The following PLXNA4 variants were observed in gnomAD, a reference collection of about 807,000 sequenced individuals.
PLXNA4 encodes the protein plexin A4, also known as plexin-A4.
Under a neutral mutation model 191.8 loss-of-function variants are expected in PLXNA4, and 44 were observed. The observed-to-expected ratio is 0.23, with a 90% CI of 0.18 to 0.29. PLXNA4 has a LOEUF of 0.29. Ranked by LOEUF, PLXNA4 falls within the 10% of genes least tolerant of loss-of-function variation. PLXNA4 has a pLI of 1.00. For missense variants in PLXNA4, 1,800 were observed against 2,488.8 expected, an observed-to-expected ratio of 0.72 and a Z score of 5.89; for synonymous variants, 1,082 against 1,009.5, an observed-to-expected ratio of 1.07 and a Z score of -1.36.
chr7:132,563,078 T>TC (rs1801375751), intron 1 of PLXNA4, among the ~76,000 whole-genome samples: 2 of 25,304 alleles, frequency 7.9e-5, no homozygotes, highest in Non-Finnish European at 1.6e-4. Flanking sequence ...TCCTCCTCCT[T>TC]CTCCTCCTCC....
At chr7:132,348,335 A>G (rs1803333726) in intron 3 of PLXNA4, among the ~76,000 whole-genome samples, 1 of 152,174 alleles carries the variant, frequency 6.6e-6, no homozygotes, top group Admixed American at 6.5e-5. Flanking sequence ...GAACCCACAG[A>G]CCTAAGACCT....
rs367575816 is a variant in PLXNA4 at position 132,521,016 on chromosome 7, C to G, written c.-86-12237G>C. Among the ~76,000 whole-genome samples the G allele has an allele frequency of 7.2e-5, 11 of 152,024 alleles. No homozygotes were observed. In the East Asian group the frequency reaches 1.5e-3, roughly 21 times the overall value. ...ATTCCCCGAAAAATCAGGAAGTGAACAGTTGTCTCCCTTGCTGGTCTATAT... is the reference window on the plus strand; with the variant it reads ...ATTCCCCGAAAAATCAGGAAGTGAAGAGTTGTCTCCCTTGCTGGTCTATAT... On this transcript the variant is annotated intron_variant, in intron 1 of 31. Transcript: ENST00000321063.
At position 132,395,837 on chromosome 7, in the gene PLXNA4, C is replaced by T. The variant is rs10254910; in HGVS notation, c.1371+93455G>A. On this transcript the variant is annotated intron_variant, in intron 3 of 31. Transcript: ENST00000321063. ...AACAAATGATGAAGCCAGTTAGCAG[C>T]CTGATTCCAAATTAGAGTTTCTCCC... is the stretch of plus-strand genomic sequence containing the variant. Among the ~76,000 whole-genome samples, 414 of 152,332 alleles carry T rather than the reference C, an allele frequency of 2.7e-3. 1 individual carries two copies. The highest frequency in any genetic ancestry group is 9.3e-3 in the African/African-American group (386 of 41,574).
chr7:132,437,674 C>T (rs1032530790), intron 3 of PLXNA4, among the ~76,000 whole-genome samples: 3 of 152,100 alleles, frequency 2.0e-5, no homozygotes, highest in Non-Finnish European at 4.4e-5. Context: ...CTCCTATTTT[C>T]AGTGAAACTC....
At chr7:132,427,246 G>A (rs895695353) in intron 3 of PLXNA4, among the ~76,000 whole-genome samples, 9 of 152,324 alleles carry the variant, frequency 5.9e-5, no homozygotes, top group Middle Eastern at 3.4e-3. Flanking sequence ...GAGAAATGGC[G>A]CACTGGACGT....
intron 1 of PLXNA4, among the ~76,000 whole-genome samples, chr7:132,566,628 G>A (rs1801737360): frequency 6.6e-6 from 1 of 152,182 alleles, no homozygotes; most frequent in African/African-American, 2.4e-5. Context: ...AAAAAATTGA[G>A]AAGGTGAATG....
chr7:132,244,803 T>G (rs971562255), intron 4 of PLXNA4, among the ~76,000 whole-genome samples: 1 of 152,188 alleles, frequency 6.6e-6, no homozygotes, highest in African/African-American at 2.4e-5. Flanking sequence ...GCATCAGAAG[T>G]TTTTCTAATA....
chr7:132,564,609 A>G (rs79641388), intron 1 of PLXNA4, among the ~76,000 whole-genome samples: 5,835 of 152,280 alleles, frequency 0.038, 261 homozygotes, highest in African/African-American at 0.1. Flanking sequence ...TTTCATCTCC[A>G]CACAAATTCT....
chr7:132,157,641 C>A (rs1015421089), intron 25 of PLXNA4, among the ~76,000 whole-genome samples: 1 of 152,194 alleles, frequency 6.6e-6, no homozygotes, highest in African/African-American at 2.4e-5. Context: ...CACAGCTCCC[C>A]CTCTTGGCCC....
intron 1 of PLXNA4, among the ~76,000 whole-genome samples, chr7:132,562,471 T>TCC (rs1801241801): frequency 1.8e-5 from 1 of 55,212 alleles, no homozygotes; most frequent in Non-Finnish European, 3.6e-5. Flanking sequence ...CCTCCTCCTT[T>TCC]CTCCTCCTCC....
At chr7:132,172,704 T>A (rs1483959232) in intron 21 of PLXNA4, among the ~76,000 whole-genome samples, 2 of 152,008 alleles carry the variant, frequency 1.3e-5, no homozygotes, top group Non-Finnish European at 2.9e-5. Flanking sequence ...AAAATCCAAC[T>A]TAAACATATG....
At chr7:132,325,175 C>G (rs916834409) in intron 3 of PLXNA4, among the ~76,000 whole-genome samples, 1 of 152,148 alleles carries the variant, frequency 6.6e-6, no homozygotes, top group African/African-American at 2.4e-5. Context: ...ATTTTACCAC[C>G]CAACTGTTCA....
chr7:132,350,699 G>C (rs1013973391), intron 3 of PLXNA4, among the ~76,000 whole-genome samples: 1 of 152,300 alleles, frequency 6.6e-6, no homozygotes, highest in African/African-American at 2.4e-5. Flanking sequence ...GGGAATGGAA[G>C]TGAGGTGGCT....
intron 3 of PLXNA4, among the ~76,000 whole-genome samples, chr7:132,347,799 T>C (rs1045014365): frequency 2.0e-5 from 3 of 152,186 alleles, no homozygotes; most frequent in Middle Eastern, 3.2e-3. Context: ...GCTATCTTTA[T>C]ATCTTCCACT....
At chr7:132,487,180 G>T (rs1797593455) in intron 3 of PLXNA4, among the ~76,000 whole-genome samples, 1 of 152,100 alleles carries the variant, frequency 6.6e-6, no homozygotes, top group Non-Finnish European at 1.5e-5. Flanking sequence ...AACCAGCTCA[G>T]ACAATCACAC....
intron 3 of PLXNA4, among the ~76,000 whole-genome samples, chr7:132,400,044 C>CT (rs1793923177): frequency 6.6e-6 from 1 of 152,066 alleles, no homozygotes; most frequent in Admixed American, 6.5e-5. Flanking sequence ...AAATAATCAA[C>CT]TTCCTCCCTT....
At chr7:132,445,158 A>G (rs981331549) in intron 3 of PLXNA4, among the ~76,000 whole-genome samples, 4 of 8,380 alleles carry the variant, frequency 4.8e-4, no homozygotes, top group African/African-American at 1.5e-3. Context: ...CCATCTCAGG[A>G]AAAAAAAAAA....
At chr7:132,165,081 G>T (rs1204333926) in intron 23 of PLXNA4, 53 bp downstream of exon 23, 18 of 1,592,434 alleles carry the variant, frequency 1.1e-5, no homozygotes, top group Admixed American at 1.7e-5. Context: ...CCCCAGTCAG[G>T]CTGCAGAGAA....
chr7:132,559,691 A>G (rs1448064533), intron 1 of PLXNA4, among the ~76,000 whole-genome samples: 2 of 152,220 alleles, frequency 1.3e-5, no homozygotes, highest in Non-Finnish European at 2.9e-5. Context: ...TGACATGAAC[A>G]CTGTAATGGA....
Sources: allele counts gnomAD v4.1 joint callset (sites outside exome capture counted in the v4.1 genomes callset), GRCh38; gene constraint gnomAD v4.1.1; transcripts MANE v1.5; gene names NCBI Gene and HGNC (gene_info 2026-07-23, HGNC 2026-07-21).